MGRN1: variants seen among roughly 807,000 people sequenced by gnomAD.
MGRN1 encodes the protein E3 ubiquitin-protein ligase MGRN1.
A neutral mutation model predicts 69.2 loss-of-function variants in MGRN1; 29 were observed. The ratio of observed to expected loss-of-function variants is 0.42; its 90% CI spans 0.31 to 0.57. The LOEUF is 0.57. MGRN1 is among the 20% of genes least tolerant of loss of function. The pLI, the probability that MGRN1 is intolerant of heterozygous loss-of-function variation, is 0.15. For synonymous variants in MGRN1, 470 were observed against 344.2 expected, an observed-to-expected ratio of 1.37 and a Z score of -4.04; for missense variants, 998 against 796.2, an observed-to-expected ratio of 1.25 and a Z score of -3.05.
chr16:4,673,217 C>G (rs1314840704), intron 9 of MGRN1, among the ~76,000 whole-genome samples: 1 of 152,110 alleles, frequency 6.6e-6, no homozygotes, highest in African/African-American at 2.4e-5. Context: ...GCATCTGTTC[C>G]TCATTTTTTC....
chr16:4,640,932 G>C (rs1208456887), intron 1 of MGRN1, among the ~76,000 whole-genome samples: 1 of 152,228 alleles, frequency 6.6e-6, no homozygotes, highest in African/African-American at 2.4e-5. Flanking sequence ...CTGTATGTTT[G>C]AAAGTGTGGG....
Position 4,682,884 on chromosome 16 carries a change from G to C in MGRN1, c.1420G>C (p.Val474Leu). ...GGATGAGGAGAAGCTCTCCGAGGACGTGGACGCCCCTCCCCCACTGGGTGG... is the reference window on the plus strand; with the variant it reads ...GGATGAGGAGAAGCTCTCCGAGGACCTGGACGCCCCTCCCCCACTGGGTGG... ...EEDEEKLSED[V>L]DAPPPLGGAE... is the part of the protein sequence containing the mutation. The change falls in exon 14 of 17, where the codon GTG becomes CTG. Residue 474 changes from valine (V) to leucine (L), a missense_variant. Transcript: ENST00000262370. The C allele has an allele frequency of 7.5e-6, 12 of 1,609,466 alleles. No individual in the cohort carries two copies. The highest frequency in any genetic ancestry group is 1.0e-5 in the Non-Finnish European group (12 of 1,176,864).
intron 14 of MGRN1, 81 bp downstream of exon 14, chr16:4,683,027 C>T (rs534237333): frequency 4.7e-6 from 7 of 1,484,196 alleles, no homozygotes; most frequent in East Asian, 2.4e-5. Context: ...CAGACCCCAT[C>T]CCACTGCCCG....
chr16:4,683,652 G>C (rs898860334), intron 15 of MGRN1, among the ~76,000 whole-genome samples, 191 bp from the exon 16 acceptor site: 1 of 152,158 alleles, frequency 6.6e-6, no homozygotes, highest in African/African-American at 2.4e-5. Context: ...GAGGGAAATA[G>C]AAGGGAAACA....
At chr16:4,682,979 G>T (rs573783122) in intron 14 of MGRN1, 33 bp downstream of exon 14, 10 of 1,504,820 alleles carry the variant, frequency 6.6e-6, no homozygotes, top group Middle Eastern at 2.2e-4. Context: ...TTGCGCACCC[G>T]CCCGGGCCAG....
chr16:4,656,249 T>G (rs1025066901), intron 4 of MGRN1, among the ~76,000 whole-genome samples: 1 of 152,236 alleles, frequency 6.6e-6, no homozygotes, highest in Non-Finnish European at 1.5e-5. Context: ...GGGCGGTCCT[T>G]GAAGCAGTGT....
intron 1 of MGRN1, among the ~76,000 whole-genome samples, chr16:4,640,851 G>C (rs2078141289): frequency 6.6e-6 from 1 of 152,252 alleles, no homozygotes; most frequent in Non-Finnish European, 1.5e-5. Context: ...AAACAAGTGG[G>C]CTCTGGAGTC....
intron 16 of MGRN1, among the ~76,000 whole-genome samples, chr16:4,685,737 C>A (rs1190300461): frequency 2.0e-5 from 3 of 152,234 alleles, no homozygotes; most frequent in African/African-American, 7.2e-5. Flanking sequence ...TCACAGAGCC[C>A]TTGACTGTCT....
chr16:4,631,829 G>T (rs1020628785), intron 1 of MGRN1, among the ~76,000 whole-genome samples: 12 of 151,718 alleles, frequency 7.9e-5, no homozygotes, highest in Non-Finnish European at 1.3e-4. Flanking sequence ...GAGAATTGCT[G>T]TCTTTACAGT....
chr16:4,658,456 A>T (rs978761173), intron 5 of MGRN1, among the ~76,000 whole-genome samples: 13 of 151,922 alleles, frequency 8.6e-5, no homozygotes, highest in African/African-American at 2.9e-4. Flanking sequence ...GAATATCATG[A>T]ATCCAGGAGG....
At chr16:4,667,855 C>T (rs1168725743) in intron 7 of MGRN1, among the ~76,000 whole-genome samples, 1 of 152,072 alleles carries the variant, frequency 6.6e-6, no homozygotes, top group East Asian at 1.9e-4. Context: ...CTCAGCCGGG[C>T]CTGGGAGAGC....
chr16:4,625,466 C>G (rs927605556), intron 1 of MGRN1, among the ~76,000 whole-genome samples: 1 of 152,208 alleles, frequency 6.6e-6, no homozygotes, highest in African/African-American at 2.4e-5. Context: ...TCTTTAGTGG[C>G]TTGGTGTGAA....
intron 1 of MGRN1, among the ~76,000 whole-genome samples, chr16:4,641,493 C>T (rs1303053216): frequency 6.6e-6 from 1 of 151,364 alleles, no homozygotes; most frequent in Admixed American, 6.6e-5. Context: ...GTACTACAGG[C>T]ACATACCACT....
intron 8 of MGRN1, among the ~76,000 whole-genome samples, chr16:4,669,659 C>G (rs370160964): frequency 3.3e-5 from 5 of 152,066 alleles, no homozygotes; most frequent in East Asian, 3.8e-4. Context: ...GGAAAGAGAC[C>G]AGAAACAAAG....
intron 8 of MGRN1, among the ~76,000 whole-genome samples, chr16:4,670,494 C>T (rs897904824): frequency 7.9e-5 from 12 of 152,254 alleles, no homozygotes; most frequent in Non-Finnish European, 8.8e-5. Context: ...CCACCAGCCT[C>T]GGCCTCCTAC....
At chr16:4,686,285 G>C (rs1157957045) in intron 16 of MGRN1, 1 of 1,545,092 alleles carries the variant, frequency 6.5e-7, no homozygotes, top group Non-Finnish European at 8.7e-7. Flanking sequence ...CTGCTCTGTT[G>C]GTATAGACGA....
At chr16:4,632,254 C>A (rs866822) in intron 1 of MGRN1, among the ~76,000 whole-genome samples, 1 of 151,494 alleles carries the variant, frequency 6.6e-6, no homozygotes, top group Non-Finnish European at 1.5e-5. Context: ...GACCTTTTGA[C>A]CCGCCTACCT....
intron 1 of MGRN1, among the ~76,000 whole-genome samples, chr16:4,630,995 T>C (rs1897972625): frequency 6.6e-6 from 1 of 151,598 alleles, no homozygotes; most frequent in Non-Finnish European, 1.5e-5. Context: ...AGTTTTTGTA[T>C]TTTTTTTGTA....
intron 1 of MGRN1, among the ~76,000 whole-genome samples, chr16:4,644,363 A>C (rs2078231066): frequency 7.1e-6 from 1 of 139,940 alleles, no homozygotes; most frequent in South Asian, 2.3e-4. Context: ...GCTGGAGTGG[A>C]CAGCTGGCCC....
Sources: gnomAD v4.1 joint callset for allele counts (sites outside exome capture counted in the v4.1 genomes callset) on GRCh38, gnomAD v4.1.1 for gene constraint, MANE v1.5 for transcripts, NCBI Gene and HGNC (gene_info 2026-07-23, HGNC 2026-07-21) for gene names.